The following ZNF207 variants were observed in gnomAD, a reference collection of about 807,000 sequenced individuals.
ZNF207 encodes the protein BUB3-interacting and GLEBS motif-containing protein ZNF207.
Under a neutral mutation model 60.2 loss-of-function variants are expected in ZNF207, and 24 were observed. The ratio of observed to expected loss-of-function variants is 0.40; its 90% CI spans 0.29 to 0.56. ZNF207 has a LOEUF of 0.56. ZNF207 is among the 20% of genes least tolerant of loss of function. The probability of loss-of-function intolerance (pLI) is 0.49; values close to 1 mark genes in which losing one functional copy is unlikely to be tolerated. For missense variants in ZNF207, 452 were observed against 636.6 expected, an observed-to-expected ratio of 0.71 and a Z score of 3.12; for synonymous variants, 236 against 194.7, an observed-to-expected ratio of 1.21 and a Z score of -1.77.
intron 1 of ZNF207, 43 bp downstream of exon 1, chr17:32,350,369 G>T: frequency 6.2e-7 from 1 of 1,613,096 alleles, no homozygotes; most frequent in Non-Finnish European, 8.5e-7. Flanking sequence ...TTGGGGTGCC[G>T]GTTGTTGGGG....
rs1905276961 is a variant in ZNF207, at chr17:32,367,907, A to G, written c.1057A>G (p.Asn353Asp). 6.2e-7 allele frequency: 1 copy of G among 1,614,180 alleles called. No individual in the cohort carries two copies. Among genetic ancestry groups the G allele is most frequent in the African/African-American group, 1.3e-5 (1 of 75,052 alleles). The change falls in exon 10 of 12, where the codon AAT (asparagine) becomes GAT (aspartate). Residue 353 changes from asparagine to aspartate, a missense_variant. Transcript: ENST00000394670. Reference protein sequence around the residue: ...QSTASTTSTTNSTAAKPAASI... With the variant: ...QSTASTTSTTDSTAAKPAASI... Reference sequence around the variant, plus strand: ...TACAGCTTCAACAACTAGTACAACAAATAGTACTGCAGCTAAACCAGCGGC... The same window carrying G: ...TACAGCTTCAACAACTAGTACAACAGATAGTACTGCAGCTAAACCAGCGGC...
chr17:32,362,736 T>G, intron 6 of ZNF207, 178 bp from the exon 7 acceptor site: 1 of 469,348 alleles, frequency 2.1e-6, no homozygotes, highest in Non-Finnish European at 3.7e-6. Context: ...TTTTAGACAA[T>G]TTATTTTGAT....
chr17:32,370,729 C>T lies in ZNF207; in HGVS notation c.*970C>T, dbSNP rs534993212. ...GCCTAGTGCCAGACCCATTCATTTC[C>T]TTTTGATTATTTTTGAGACTCAGTA... On this transcript the variant is annotated 3_prime_UTR_variant, in exon 12 of 12. Transcript: ENST00000394670. 8 of 152,268 alleles carry T rather than the reference C, an allele frequency of 5.3e-5. No individual in the cohort carries two copies. The East Asian group carries it at 5.8e-4, about 11-fold the overall frequency. 9.4% of individuals were successfully genotyped at this position (152,268 alleles called of 1,614,324 possible). A position where few individuals can be genotyped will look rare whatever the true frequency, so the allele number is the denominator to read the frequency against.
Position 32,381,333 on chromosome 17 carries a change from C to G in ZNF207, c.*11574C>G, listed in dbSNP as rs902840375. ...TAGTCCATGTGTATTATTAAATGGT[C>G]TAAAGAAAAATCATGACTGATCGCA... On this transcript the variant is annotated 3_prime_UTR_variant, in exon 12 of 12. Coordinates refer to ENST00000394670, the MANE Select transcript of ZNF207 (RefSeq NM_001098507.2). 7 of 152,154 alleles carry G rather than the reference C, an allele frequency of 4.6e-5. No homozygotes were observed. Among genetic ancestry groups the G allele is most frequent in the Admixed American group, 6.5e-5 (1 of 15,274 alleles). 9.4% of individuals were successfully genotyped at this position (152,154 alleles called of 1,614,324 possible).
intron 2 of ZNF207, among the ~76,000 whole-genome samples, chr17:32,352,228 C>T (rs1036122838): frequency 6.6e-6 from 1 of 152,150 alleles, no homozygotes; most frequent in African/African-American, 2.4e-5. Flanking sequence ...CCTGGGCCTC[C>T]CAGAGTGCTG....
At position 32,363,529 on chromosome 17, in the gene ZNF207, C is replaced by CTTTTTTTTTTTTTTTTTTTTT. The variant is rs746944466; in HGVS notation, c.670+553_670+573dup. On this transcript the variant is annotated intron_variant, in intron 7 of 11. Transcript: ENST00000394670. ...ACAAGTAATAGAGAAATCCAACAAA[C>CTTTTTTTTTTTTTTTTTTTTT]TTTTTTTTTTTTTTTTTTTTTTTTT... 2.9e-4 allele frequency among the ~76,000 whole-genome samples: 20 copies of CTTTTTTTTTTTTTTTTTTTTT among 69,614 alleles called. 6 individuals carry two copies. Among genetic ancestry groups the CTTTTTTTTTTTTTTTTTTTTT allele is most frequent in the Non-Finnish European group, 4.5e-4 (16 of 35,844 alleles). The allele number at this position is 69,614 out of a possible 152,430, so 45.7% of individuals were successfully genotyped here.
intron 3 of ZNF207, 135 bp downstream of exon 3, chr17:32,358,776 G>A (rs1014814575): frequency 1.3e-4 from 84 of 648,810 alleles, no homozygotes; most frequent in Admixed American, 2.2e-4. Context: ...TTCTGCCTCC[G>A]GGGTTTAAGT....
At chr17:32,368,064 T>C in intron 10 of ZNF207, 50 bp downstream of exon 10, 6 of 1,605,128 alleles carry the variant, frequency 3.7e-6, no homozygotes, top group Non-Finnish European at 5.1e-6. Context: ...AAAGCCATTA[T>C]AGCAGTTCGT....
At chr17:32,365,636 C>A in intron 8 of ZNF207, 149 bp downstream of exon 8, 1 of 654,116 alleles carries the variant, frequency 1.5e-6, no homozygotes, top group Non-Finnish European at 2.1e-6. Context: ...GTGGCTTATC[C>A]ACTTCCATGT....
rs1305562166 is a variant in ZNF207 at position 32,380,276 on chromosome 17, G to A, written c.*10517G>A. The A allele has an allele frequency of 1.3e-5, 2 of 152,598 alleles. No individual in the cohort carries two copies. Among genetic ancestry groups the A allele is most frequent in the Non-Finnish European group, 2.9e-5 (2 of 68,020 alleles). 9.5% of individuals were successfully genotyped at this position (152,598 alleles called of 1,614,324 possible). ...GTAATATAAGGTAATGTTTAAAAGT[G>A]AGCAATAATTATTGCATCTCTTTTG... On this transcript the variant is annotated 3_prime_UTR_variant, in exon 12 of 12. Transcript: ENST00000394670.
chr17:32,359,876 A>AG (rs1394487039), intron 3 of ZNF207, among the ~76,000 whole-genome samples: 4 of 152,284 alleles, frequency 2.6e-5, no homozygotes, highest in Non-Finnish European at 4.4e-5. Context: ...CAACAGAGTG[A>AG]GATCCTATTT....
chr17:32,366,739 G>C lies in ZNF207; in HGVS notation c.903G>C (p.Leu301=). ...GTCTGTCTGCATCTTCTAAAGCTCT[G>C]TTTCCTAGCACAGCACAAGTACGCA... ...SESLSASSKA[L]FPSTAQAQAA... is the part of the protein sequence containing the mutation. Residue 301 remains leucine, a synonymous_variant, in exon 9 of 12, where the codon CTG becomes CTC. Coordinates refer to ENST00000394670, the MANE Select transcript of ZNF207 (RefSeq NM_001098507.2). The C allele has an allele frequency of 1.2e-6, 2 of 1,610,234 alleles. No individual in the cohort carries two copies. The highest frequency in any genetic ancestry group is 3.4e-5 in the Admixed American group (2 of 59,278).
chr17:32,362,523 C>T (rs1412624788), intron 6 of ZNF207, among the ~76,000 whole-genome samples: 1 of 152,148 alleles, frequency 6.6e-6, no homozygotes, highest in East Asian at 1.9e-4. Flanking sequence ...CAAAATCCAA[C>T]ACAACTCTGA....
Position 32,370,559 on chromosome 17 carries a change from AACTT to A in ZNF207, c.*802_*805del, listed in dbSNP as rs2150804903. The A allele has an allele frequency of 6.6e-6, 1 of 152,342 alleles. No individual in the cohort carries two copies. The highest frequency in any genetic ancestry group is 1.5e-5 in the Non-Finnish European group (1 of 68,022). 9.4% of individuals were successfully genotyped at this position (152,342 alleles called of 1,614,324 possible). Reference sequence around the variant, plus strand: ...ATGTTAATGTTTCAGTTAAGAGAAAAACTTAAGATACATGAGTCATTACATAATG... The same window carrying A: ...ATGTTAATGTTTCAGTTAAGAGAAAAAAGATACATGAGTCATTACATAATG... On this transcript the variant is annotated 3_prime_UTR_variant, in exon 12 of 12. Transcript: ENST00000394670.
At chr17:32,355,561 C>A (rs186851001) in intron 2 of ZNF207, among the ~76,000 whole-genome samples, 4 of 152,194 alleles carry the variant, frequency 2.6e-5, no homozygotes, top group Admixed American at 6.5e-5. Flanking sequence ...GTCAGGAGTT[C>A]ATAGAAATTA....
At chr17:32,363,021 A>T in intron 7 of ZNF207, 37 bp downstream of exon 7, 1 of 1,574,036 alleles carries the variant, frequency 6.4e-7, no homozygotes, top group South Asian at 1.2e-5. Flanking sequence ...TATGATGTAC[A>T]GGCTTTATTT....
rs945280429 is a variant in ZNF207 at position 32,378,779 on chromosome 17, T to A, written c.*9020T>A. The A allele has an allele frequency of 6.6e-6, 1 of 152,106 alleles. No individual in the cohort carries two copies. Among genetic ancestry groups the A allele is most frequent in the Non-Finnish European group, 1.5e-5 (1 of 67,932 alleles). 9.4% of individuals were successfully genotyped at this position (152,106 alleles called of 1,614,324 possible). ...CTTTAACCTCTAAATGTTGTGCTTT[T>A]AGGTTGATAACAAATGTAAAGCACT... On this transcript the variant is annotated 3_prime_UTR_variant, in exon 12 of 12. Coordinates refer to ENST00000394670, the MANE Select transcript of ZNF207 (RefSeq NM_001098507.2).
Position 32,378,544 on chromosome 17 carries a change from A to C in ZNF207, c.*8785A>C, listed in dbSNP as rs1905761998. 6.6e-6 allele frequency: 1 copy of C among 152,050 alleles called. No individual in the cohort carries two copies. Among genetic ancestry groups the C allele is most frequent in the Non-Finnish European group, 1.5e-5 (1 of 67,926 alleles). The allele number at this position is 152,050 out of a possible 1,614,324, so 9.4% of individuals were successfully genotyped here. Reference sequence around the variant, plus strand: ...CTATAACGTATCCCGTTGGTGTACCAGTGAGTTCATTTTACTGTAAACTAA... The same window carrying C: ...CTATAACGTATCCCGTTGGTGTACCCGTGAGTTCATTTTACTGTAAACTAA... On this transcript the variant is annotated 3_prime_UTR_variant, in exon 12 of 12. Transcript: ENST00000394670.
Position 32,358,536 on chromosome 17 carries a change from G to A in ZNF207, c.202G>A (p.Ala68Thr). The A allele has an allele frequency of 6.4e-7, 1 of 1,567,848 alleles. No individual in the cohort carries two copies. Among genetic ancestry groups the A allele is most frequent in the Non-Finnish European group, 8.6e-7 (1 of 1,164,404 alleles). ...AGAAACAATAGATGCCGTACCAAAT[G>A]CAATACCTGGAAGAACAGACATAGA... The part of the protein sequence containing the change: ...HKETIDAVPN[A>T]IPGRTDIELE... Residue 68 changes from alanine (A) to threonine (T), a missense_variant, in exon 3 of 12, where the codon GCA becomes ACA. Physicochemically the swap from Ala to Thr is moderately conservative, Grantham distance 58. Coordinates refer to ENST00000394670, the MANE Select transcript of ZNF207 (RefSeq NM_001098507.2).
Sources: allele counts gnomAD v4.1 joint callset (sites outside exome capture counted in the v4.1 genomes callset), GRCh38; gene constraint gnomAD v4.1.1; transcripts MANE v1.5; gene names NCBI Gene and HGNC (gene_info 2026-07-23, HGNC 2026-07-21).